The following CHD1L variants were observed in gnomAD, a reference collection of about 807,000 sequenced individuals.
CHD1L encodes chromodomain helicase DNA binding protein 1 like, also known as ATP-dependent chromatin remodeler CHD1L.
In CHD1L, 118 loss-of-function variants were observed where a neutral mutation model predicts 115.9. The ratio of observed to expected loss-of-function variants is 1.02; its 90% CI spans 0.88 to 1.19. The LOEUF (loss-of-function observed/expected upper bound fraction) is 1.19. CHD1L is among the 50% of genes most tolerant of loss of function. The pLI is 0.00. For missense variants in CHD1L, 1,179 were observed against 1,065.3 expected (o/e 1.11, Z -1.49); for synonymous variants, 411 against 387.1 (o/e 1.06, Z -0.72).
chr1:147,267,543 C>T, intron 9 of CHD1L, 25 bp downstream of exon 9: 1 of 1,563,542 alleles, frequency 6.4e-7, no homozygotes, highest in South Asian at 1.2e-5. Context: ...TTTCCCCCCA[C>T]ATTATTCTTT....
intron 1 of CHD1L, among the ~76,000 whole-genome samples, chr1:147,249,639 C>T (rs1245391586): frequency 3.3e-5 from 5 of 151,970 alleles, no homozygotes; most frequent in Admixed American, 6.6e-5. Context: ...CTCTTGACCT[C>T]GTGATCCGCC....
chr1:147,190,439 T>C, the CHD1L span, among the ~76,000 whole-genome samples: 7,540 of 152,234 alleles, frequency 0.05, 208 homozygotes, highest in African/African-American at 0.071. Context: ...CTTACTCTAC[T>C]TATTCTTCTT....
At position 147,295,647 on chromosome 1, in the gene CHD1L, C is replaced by T; in HGVS notation, c.*138C>T. 1.5e-6 allele frequency: 1 copy of T among 656,988 alleles called. No homozygotes were observed. The highest frequency in any genetic ancestry group is 2.5e-6 in the Non-Finnish European group (1 of 400,372). 40.7% of individuals were successfully genotyped at this position (656,988 alleles called of 1,614,324 possible). ...CTCTTTTCTGAGTTTCAGTTTGGTTCTCCTGGATGTTTTGCTCTGTTTTGG... is the reference window on the plus strand; with the variant it reads ...CTCTTTTCTGAGTTTCAGTTTGGTTTTCCTGGATGTTTTGCTCTGTTTTGG... On this transcript the variant is annotated 3_prime_UTR_variant, in exon 23 of 23. Transcript: ENST00000369258.
chr1:147,278,650 G>A (rs1679603080), intron 14 of CHD1L, among the ~76,000 whole-genome samples: 2 of 151,996 alleles, frequency 1.3e-5, no homozygotes, highest in Non-Finnish European at 2.9e-5. Flanking sequence ...ATCCTGCAGG[G>A]AGGACACAGT....
the CHD1L span, chr1:147,178,130 C>T: frequency 2.5e-3 from 3,989 of 1,600,270 alleles, 81 homozygotes; most frequent in African/African-American, 0.045. Flanking sequence ...CTCCGCCGCC[C>T]AGCGCTGTTC....
chr1:147,223,512 C>G, the CHD1L span: 2 of 152,390 alleles, frequency 1.3e-5, no homozygotes, highest in Non-Finnish European at 2.9e-5. Flanking sequence ...GTTCAGAAAA[C>G]TAGCTTAAAA....
At chr1:147,186,653 G>T in the CHD1L span, 1 of 1,252,894 alleles carries the variant, frequency 8.0e-7, no homozygotes, top group East Asian at 3.2e-5. Flanking sequence ...GACTAAAAGA[G>T]TACCTGAGCT....
the CHD1L span, chr1:147,179,633 T>C: frequency 7.6e-6 from 11 of 1,454,278 alleles, no homozygotes; most frequent in African/African-American, 1.1e-4. Flanking sequence ...TCTAAAGCAG[T>C]AGGCAAACAC....
At chr1:147,244,058 G>A (rs1559713045) in intron 1 of CHD1L, among the ~76,000 whole-genome samples, 1 of 152,216 alleles carries the variant, frequency 6.6e-6, no homozygotes, top group African/African-American at 2.4e-5. Context: ...TGAGCTTGTA[G>A]ACTGGTCTTT....
chr1:147,185,795 G>C, the CHD1L span, among the ~76,000 whole-genome samples: 1 of 152,268 alleles, frequency 6.6e-6, no homozygotes, highest in South Asian at 2.1e-4. Flanking sequence ...CATGAAACAA[G>C]AACAGTGAAA....
At chr1:147,190,349 G>T in the CHD1L span, 1 of 742,444 alleles carries the variant, frequency 1.3e-6, no homozygotes, top group South Asian at 1.8e-5. Flanking sequence ...AGAAATACAG[G>T]GTAAGTTTCC....
At chr1:147,240,919 A>C (rs945620149), upstream of CHD1L, among the ~76,000 whole-genome samples, 1 of 152,168 alleles carries the variant, frequency 6.6e-6, no homozygotes, top group East Asian at 1.9e-4. Flanking sequence ...GGCTGGTGCC[A>C]GCGCAGGTCC....
chr1:147,293,488 G>A (rs1170243327), intron 20 of CHD1L, 120 bp from the exon 21 acceptor site: 39 of 736,730 alleles, frequency 5.3e-5, no homozygotes, highest in Non-Finnish European at 4.3e-5. Flanking sequence ...CATAGCATCC[G>A]AAAGAGACAG....
the CHD1L span, chr1:147,187,331 G>A: frequency 1.1e-6 from 1 of 915,750 alleles, no homozygotes; most frequent in East Asian, 2.5e-5. Flanking sequence ...GCCTGCTATT[G>A]GCTCAATATC....
In CHD1L at chr1:147,275,280, C is replaced by A. The variant is rs1677911468; in HGVS notation, c.1271-74C>A. On this transcript the variant is annotated intron_variant, in intron 12 of 22. Coordinates refer to ENST00000369258, the MANE Select transcript of CHD1L (RefSeq NM_004284.6). ...GATTTCAGTTTATCAGTCTGACCCA[C>A]TCTAGCCTTGTGCTTATTTTCTAGC... The A allele has an allele frequency of 4.5e-6, 5 of 1,118,808 alleles. No homozygotes were observed. The South Asian group carries it at 6.4e-5, about 14-fold the overall frequency. 69.3% of individuals were successfully genotyped at this position (1,118,808 alleles called of 1,614,324 possible).
the CHD1L span, chr1:147,176,525 T>C: frequency 6.6e-6 from 1 of 152,208 alleles, no homozygotes; most frequent in African/African-American, 2.4e-5. Context: ...GCCCCAATAC[T>C]TGTTGAGCTT....
At chr1:147,249,010 C>T (rs1329791575) in intron 1 of CHD1L, among the ~76,000 whole-genome samples, 1 of 152,162 alleles carries the variant, frequency 6.6e-6, no homozygotes, top group African/African-American at 2.4e-5. Flanking sequence ...TGTATTTACA[C>T]GTTTTTGAAT....
At chr1:147,249,655 C>T (rs981147895) in intron 1 of CHD1L, among the ~76,000 whole-genome samples, 7 of 152,052 alleles carry the variant, frequency 4.6e-5, no homozygotes, top group African/African-American at 9.7e-5. Flanking sequence ...CCGCCTGCCT[C>T]GGCCTCCCAA....
At chr1:147,280,408 C>CA (rs1255363922) in intron 15 of CHD1L, among the ~76,000 whole-genome samples, 1 of 152,142 alleles carries the variant, frequency 6.6e-6, no homozygotes, top group Non-Finnish European at 1.5e-5. Context: ...AACTGTGAAC[C>CA]AAAATCATAG....
Sources: allele counts gnomAD v4.1 joint callset (sites outside exome capture counted in the v4.1 genomes callset), GRCh38; gene constraint gnomAD v4.1.1; transcripts MANE v1.5; gene names NCBI Gene and HGNC (gene_info 2026-07-23, HGNC 2026-07-21).